The following PAN3 variants were observed in gnomAD, a reference collection of about 807,000 sequenced individuals.
PAN3 encodes PAN2-PAN3 deadenylation complex subunit PAN3.
Under a neutral mutation model 96.2 loss-of-function variants are expected in PAN3, and 19 were observed. The ratio of observed to expected loss-of-function variants is 0.20; its 90% CI spans 0.14 to 0.29. The LOEUF (loss-of-function observed/expected upper bound fraction) is 0.29. Ranked by LOEUF, PAN3 falls within the 10% of genes least tolerant of loss-of-function variation. The probability of loss-of-function intolerance (pLI) is 1.00; values close to 1 mark genes in which losing one functional copy is unlikely to be tolerated. For synonymous variants in PAN3, 433 were observed against 406.6 expected, an observed-to-expected ratio of 1.06 and a Z score of -0.78; for missense variants, 882 against 1,108.1, an observed-to-expected ratio of 0.80 and a Z score of 2.90.
rs1870004639 is a variant in PAN3 at position 28,293,416 on chromosome 13, T to TTTTTTTTTTTTTTG, written c.*894_*895insTTTTTTTTTTTTTG. The TTTTTTTTTTTTTTG allele has an allele frequency of 1.4e-5, 1 of 69,030 alleles. No homozygotes were observed. The highest frequency in any genetic ancestry group is 4.9e-5 in the African/African-American group (1 of 20,510). 4.3% of individuals were successfully genotyped at this position (69,030 alleles called of 1,614,324 possible). A position where few individuals can be genotyped will look rare whatever the true frequency, so the allele number is the denominator to read the frequency against. ...TTTTTTTTTTTTTTTTTTTTTTTTT[T>TTTTTTTTTTTTTTG]GGGCGGGGGGGAGGTTTATGAAGTT... On this transcript the variant is annotated 3_prime_UTR_variant, in exon 19 of 19. Transcript: ENST00000380958.
Position 28,139,055 on chromosome 13 carries a change from G to C in PAN3, c.398G>C (p.Ser133Thr). 26 of 1,277,036 alleles carry C rather than the reference G, an allele frequency of 2.0e-5. No individual in the cohort carries two copies. The South Asian group carries it at 6.6e-4, about 33-fold the overall frequency. 79.1% of individuals were successfully genotyped at this position (1,277,036 alleles called of 1,614,324 possible). A position where few individuals can be genotyped will look rare whatever the true frequency, so the allele number is the denominator to read the frequency against. Residue 133 changes from serine to threonine, a missense_variant, in exon 1 of 19, where the codon AGT becomes ACT. Around this residue, in one of 3 missense-constraint regions of PAN3, gnomAD observed 442 missense variants for 422.8 expected, o/e 1.05. Coordinates refer to ENST00000380958, the MANE Select transcript of PAN3 (RefSeq NM_175854.8). ...GTGAAAGGGG[S>T]SGGLDGPRLA... The stretch of plus-strand genomic sequence containing the variant: ...GGAGCCGCAGCCGGCGGAGGAGGCA[G>C]TAGCGGGGGACTCGATGGACCGCGG...
At chr13:28,262,590 T>A (rs1885830610) in intron 9 of PAN3, among the ~76,000 whole-genome samples, 1 of 152,158 alleles carries the variant, frequency 6.6e-6, no homozygotes, top group African/African-American at 2.4e-5. Context: ...TATTTGAGGC[T>A]TTAGCCAGGT....
At position 28,293,407 on chromosome 13, in the gene PAN3, T is replaced by A. The variant is rs2138783223; in HGVS notation, c.*885T>A. 7.0e-6 allele frequency: 1 copy of A among 143,724 alleles called. No homozygotes were observed. The highest frequency in any genetic ancestry group is 2.6e-5 in the African/African-American group (1 of 38,258). 8.9% of individuals were successfully genotyped at this position (143,724 alleles called of 1,614,324 possible). On this transcript the variant is annotated 3_prime_UTR_variant, in exon 19 of 19. Coordinates refer to ENST00000380958, the MANE Select transcript of PAN3 (RefSeq NM_175854.8). ...TGCTGGTTTTTTTTTTTTTTTTTTT[T>A]TTTTTTTTTGGGCGGGGGGGAGGTT...
rs35807382 is a variant in PAN3 at position 28,277,365 on chromosome 13, G to A, written c.2178G>A (p.Lys726=). The change falls in exon 15 of 19, where the codon AAG becomes AAA. Residue 726 remains lysine (K), a synonymous_variant. Transcript: ENST00000380958. ...LVTINYSSDL[K]NLILYLLTDQ... ...CAATCAACTATTCCTCTGACCTGAA[G>A]AATCTGATTTTGTAAGTTTTAATAT... The A allele has an allele frequency of 3.0e-5, 49 of 1,609,604 alleles. No homozygotes were observed. Among genetic ancestry groups the A allele is most frequent in the Non-Finnish European group, 3.9e-5 (46 of 1,178,616 alleles).
intron 4 of PAN3, among the ~76,000 whole-genome samples, chr13:28,187,775 G>A (rs569640963): frequency 7.2e-5 from 11 of 152,150 alleles, no homozygotes; most frequent in African/African-American, 2.6e-4. Context: ...TCCCAGGCTG[G>A]TTCAAACTCC....
intron 1 of PAN3, among the ~76,000 whole-genome samples, chr13:28,151,298 C>G (rs933512255): frequency 3.9e-5 from 6 of 152,018 alleles, no homozygotes; most frequent in African/African-American, 1.4e-4. Flanking sequence ...GGCAGATCAC[C>G]AGGTCAGGAG....
At chr13:28,258,747 G>T (rs866975858) in intron 7 of PAN3, among the ~76,000 whole-genome samples, 5 of 152,048 alleles carry the variant, frequency 3.3e-5, no homozygotes, top group African/African-American at 1.2e-4. Flanking sequence ...TATCCAAGGG[G>T]GATTGATTCC....
At chr13:28,247,272 TA>T (rs1884285148) in intron 6 of PAN3, among the ~76,000 whole-genome samples, 2 of 152,118 alleles carry the variant, frequency 1.3e-5, no homozygotes, top group Non-Finnish European at 2.9e-5. Context: ...TATTTGGATT[TA>T]TTTTTTTATT....
chr13:28,202,796 G>A (rs1171269914), intron 5 of PAN3, among the ~76,000 whole-genome samples: 3 of 152,026 alleles, frequency 2.0e-5, no homozygotes, highest in African/African-American at 7.2e-5. Flanking sequence ...GTAAATACTT[G>A]AGGTTAAGCA....
chr13:28,275,615 G>A (rs1054278467), intron 14 of PAN3, among the ~76,000 whole-genome samples: 1 of 152,130 alleles, frequency 6.6e-6, no homozygotes, highest in Non-Finnish European at 1.5e-5. Context: ...TGAGATTTCT[G>A]TAATTTCATG....
Position 28,207,532 on chromosome 13 carries a change from A to G in PAN3, c.852+10186A>G, listed in dbSNP as rs543437790. ...TTGTGGTACCATGTAGCTACCATGA[A>G]GAGTTCCATGTTCTTGCTTCTCCTT... On this transcript the variant is annotated intron_variant, in intron 5 of 18. Coordinates refer to ENST00000380958, the MANE Select transcript of PAN3 (RefSeq NM_175854.8). Among the ~76,000 whole-genome samples the G allele has an allele frequency of 2.6e-4, 39 of 152,318 alleles. No homozygotes were observed. The South Asian group carries it at 7.0e-3, about 27-fold the overall frequency.
chr13:28,218,607 A>G (rs1362580525), intron 5 of PAN3, among the ~76,000 whole-genome samples: 1 of 152,166 alleles, frequency 6.6e-6, no homozygotes, highest in African/African-American at 2.4e-5. Context: ...GGTCCTTTAT[A>G]ATTTGTTATG....
chr13:28,238,684 T>C (rs1883324375), intron 6 of PAN3, among the ~76,000 whole-genome samples: 2 of 152,248 alleles, frequency 1.3e-5, no homozygotes, highest in Non-Finnish European at 2.9e-5. Flanking sequence ...GGATGCAGGC[T>C]TGAGTAACGT....
chr13:28,211,681 A>G (rs572765071), intron 5 of PAN3, among the ~76,000 whole-genome samples: 109 of 152,294 alleles, frequency 7.2e-4, no homozygotes, highest in African/African-American at 2.5e-3. Flanking sequence ...AAACATTACC[A>G]CTAAATTTGT....
At chr13:28,217,766 AAATTT>A (rs1880969363) in intron 5 of PAN3, among the ~76,000 whole-genome samples, 1 of 152,160 alleles carries the variant, frequency 6.6e-6, no homozygotes, top group African/African-American at 2.4e-5. Context: ...CAGAAACCAA[AAATTT>A]AATATTATAG....
chr13:28,243,786 TAC>T (rs1377254447), intron 6 of PAN3, among the ~76,000 whole-genome samples: 1 of 152,158 alleles, frequency 6.6e-6, no homozygotes, highest in Non-Finnish European at 1.5e-5. Flanking sequence ...CCTCCCAGAT[TAC>T]AGTGATTCTC....
intron 1 of PAN3, among the ~76,000 whole-genome samples, chr13:28,144,623 G>A (rs1003820415): frequency 2.6e-5 from 4 of 152,012 alleles, no homozygotes; most frequent in African/African-American, 7.3e-5. Context: ...GATGAGATCG[G>A]GCGTGTTCAG....
chr13:28,184,678 T>C (rs1373193049), intron 4 of PAN3, among the ~76,000 whole-genome samples: 1 of 152,208 alleles, frequency 6.6e-6, no homozygotes, highest in Non-Finnish European at 1.5e-5. Context: ...TTCTACAGTC[T>C]TGAAAACACT....
At chr13:28,247,524 A>G (rs1278612932) in intron 6 of PAN3, among the ~76,000 whole-genome samples, 1 of 152,118 alleles carries the variant, frequency 6.6e-6, no homozygotes, top group Non-Finnish European at 1.5e-5. Context: ...TGATGTCCTG[A>G]GGGCTTTCCC....
Sources: gnomAD v4.1 joint callset for allele counts (sites outside exome capture counted in the v4.1 genomes callset) on GRCh38, gnomAD v4.1.1 for gene constraint, gnomAD v4.1.1 regional missense constraint, MANE v1.5 for transcripts, NCBI Gene and HGNC (gene_info 2026-07-23, HGNC 2026-07-21) for gene names.